Variants in CTNNA2 observed in about 807,000 individuals in gnomAD.
The protein encoded by CTNNA2 is catenin alpha 2.
In CTNNA2, 42 loss-of-function variants were observed where a neutral mutation model predicts 101.0. The ratio of observed to expected loss-of-function variants is 0.42; its 90% CI spans 0.32 to 0.54. The LOEUF (loss-of-function observed/expected upper bound fraction) is 0.54, where lower values mean the gene tolerates loss of function less well. Among genes scored for constraint, CTNNA2 ranks in the 20% least tolerant of loss-of-function variants. The pLI, the probability that CTNNA2 is intolerant of heterozygous loss-of-function variation, is 0.14. For synonymous variants in CTNNA2, 450 were observed against 456.4 expected, an observed-to-expected ratio of 0.99 and a Z score of 0.18; for missense variants, 871 against 1,223.1, an observed-to-expected ratio of 0.71 and a Z score of 4.29.
intron 6 of CTNNA2, among the ~76,000 whole-genome samples, chr2:79,891,041 G>A (rs1184042119): frequency 6.6e-6 from 1 of 150,894 alleles, no homozygotes; most frequent in Non-Finnish European, 1.5e-5. Flanking sequence ...TCCAACATAT[G>A]AATTTTGAGG....
intron 1 of CTNNA2, among the ~76,000 whole-genome samples, chr2:79,548,474 A>C (rs1211287840): frequency 2.6e-5 from 4 of 152,186 alleles, no homozygotes; most frequent in Non-Finnish European, 4.4e-5. Context: ...CTATTGTTAG[A>C]AATTGATGAT....
At chr2:79,298,379 C>G (rs1347967420) in intron 2 of CTNNA2, among the ~76,000 whole-genome samples, 1 of 152,164 alleles carries the variant, frequency 6.6e-6, no homozygotes, top group African/African-American at 2.4e-5. Flanking sequence ...CCAAACACCT[C>G]CCACCAGGTC....
chr2:79,276,293 T>C (rs967408692), intron 2 of CTNNA2, among the ~76,000 whole-genome samples: 2 of 152,114 alleles, frequency 1.3e-5, no homozygotes, highest in African/African-American at 2.4e-5. Flanking sequence ...TCTATCCCCT[T>C]AGTCTGTTTG....
At chr2:79,201,655 C>T (rs1221631719) in intron 2 of CTNNA2, among the ~76,000 whole-genome samples, 1 of 152,060 alleles carries the variant, frequency 6.6e-6, no homozygotes. Flanking sequence ...GGGGGAGCTT[C>T]CAGGCCTCAG....
At chr2:79,288,709 G>T (rs1409818538) in intron 2 of CTNNA2, among the ~76,000 whole-genome samples, 1 of 152,152 alleles carries the variant, frequency 6.6e-6, no homozygotes, top group Non-Finnish European at 1.5e-5. Flanking sequence ...AGAAATTAGA[G>T]GTTGCCAGTC....
chr2:79,376,170 G>C (rs72919130), intron 4 of CTNNA2, among the ~76,000 whole-genome samples: 1 of 152,138 alleles, frequency 6.6e-6, no homozygotes, highest in African/African-American at 2.4e-5. Context: ...GAAGAGTAGA[G>C]GATGGGGAAG....
intron 1 of CTNNA2, among the ~76,000 whole-genome samples, chr2:79,535,073 TAAAG>T (rs960433481): frequency 3.9e-5 from 6 of 152,072 alleles, no homozygotes; most frequent in African/African-American, 1.2e-4. Flanking sequence ...GGCGGTGAAA[TAAAG>T]AGATAAACTA....
intron 4 of CTNNA2, among the ~76,000 whole-genome samples, chr2:79,428,271 G>C (rs931335785): frequency 1.3e-5 from 2 of 151,824 alleles, no homozygotes; most frequent in Non-Finnish European, 1.5e-5. Context: ...GAATTCTGTA[G>C]TTCTTTAGAA....
At chr2:79,987,522 C>A (rs947431563) in intron 7 of CTNNA2, among the ~76,000 whole-genome samples, 4 of 152,274 alleles carry the variant, frequency 2.6e-5, no homozygotes, top group Non-Finnish European at 5.9e-5. Context: ...CATAACATGG[C>A]TGTGAGGAAT....
chr2:79,978,296 G>T (rs550506348), intron 7 of CTNNA2, among the ~76,000 whole-genome samples: 2 of 152,140 alleles, frequency 1.3e-5, no homozygotes, highest in Non-Finnish European at 2.9e-5. Context: ...TTCATCAGGA[G>T]AGCCCTGGCT....
intron 6 of CTNNA2, among the ~76,000 whole-genome samples, chr2:79,899,029 G>A (rs1684899158): frequency 6.6e-6 from 1 of 152,214 alleles, no homozygotes; most frequent in African/African-American, 2.4e-5. Flanking sequence ...AGTAAAGCAG[G>A]GTTTTGTAAA....
chr2:79,318,260 T>C (rs1389703210), intron 3 of CTNNA2, among the ~76,000 whole-genome samples: 1 of 152,180 alleles, frequency 6.6e-6, no homozygotes, highest in Non-Finnish European at 1.5e-5. Flanking sequence ...AGAATGGTGA[T>C]TTAGTTATTT....
chr2:79,541,719 T>G (rs1195623954), intron 1 of CTNNA2, among the ~76,000 whole-genome samples: 2 of 134,656 alleles, frequency 1.5e-5, no homozygotes, highest in East Asian at 2.2e-4. Flanking sequence ...CTCCACCTCC[T>G]GGGGTCAAGC....
Position 79,615,506 on chromosome 2 carries a change from A to G in CTNNA2, c.-5-36046A>G, listed in dbSNP as rs148302895. Among the ~76,000 whole-genome samples the G allele has an allele frequency of 1.1e-4, 17 of 152,374 alleles. No homozygotes were observed. In the East Asian group the frequency reaches 3.3e-3, roughly 29 times the overall value. On this transcript the variant is annotated intron_variant, in intron 1 of 18. Transcript: ENST00000402739. ...TTATTATTTCATTTCTGTCAATAAG[A>G]TAATAAAAATACAGTACCTTTTAAA...
At chr2:80,516,176 T>A (rs1438673718) in intron 9 of CTNNA2, among the ~76,000 whole-genome samples, 2 of 152,188 alleles carry the variant, frequency 1.3e-5, no homozygotes, top group Non-Finnish European at 2.9e-5. Flanking sequence ...AGCCTTTGTG[T>A]CCAGACTGAG....
chr2:79,734,846 A>G lies in CTNNA2; in HGVS notation c.103-9541A>G, dbSNP rs1239007001. On this transcript the variant is annotated intron_variant, in intron 2 of 18. Coordinates refer to ENST00000402739, the MANE Select transcript of CTNNA2 (RefSeq NM_001282597.3). ...AACCAGTTTCTAAGAGGAAGTATCAATTTCCTTGGTAATGAACAAAAATTT... is the reference window on the plus strand; with the variant it reads ...AACCAGTTTCTAAGAGGAAGTATCAGTTTCCTTGGTAATGAACAAAAATTT... 3.3e-5 allele frequency among the ~76,000 whole-genome samples: 5 copies of G among 152,268 alleles called. No individual in the cohort carries two copies. The East Asian group carries it at 7.7e-4, about 24-fold the overall frequency.
At chr2:79,978,537 G>C (rs965189804) in intron 7 of CTNNA2, among the ~76,000 whole-genome samples, 2 of 152,140 alleles carry the variant, frequency 1.3e-5, no homozygotes, top group Non-Finnish European at 2.9e-5. Flanking sequence ...TAAAGCGTTA[G>C]TCACCAGTTG....
In CTNNA2 at chr2:79,284,621, T is replaced by C. The variant is rs1402276835; in HGVS notation, c.-405-28088T>C. Among the ~76,000 whole-genome samples, 12 of 149,384 alleles carry C rather than the reference T, an allele frequency of 8.0e-5. No individual in the cohort carries two copies. The East Asian group carries it at 2.4e-3, about 30-fold the overall frequency. On this transcript the variant is annotated intron_variant, in intron 2 of 21. Transcript: ENST00000466387. ...CCCAGGGATGAAGCCCACTTGATCA[T>C]GGTGGATAAGCTTTTTGATGTGCTG...
chr2:79,475,487 G>A (rs1315259086), intron 4 of CTNNA2, among the ~76,000 whole-genome samples: 1 of 152,120 alleles, frequency 6.6e-6, no homozygotes, highest in African/African-American at 2.4e-5. Context: ...GAATAAAGCA[G>A]ATTTGATTTG....
Sources: allele counts gnomAD v4.1 joint callset (sites outside exome capture counted in the v4.1 genomes callset), GRCh38; gene constraint gnomAD v4.1.1; transcripts MANE v1.5; gene names NCBI Gene and HGNC (gene_info 2026-07-23, HGNC 2026-07-21).